Variants in STUM observed in about 807,000 individuals in gnomAD.
The protein encoded by STUM is stum, mechanosensory transduction mediator homolog, also known as protein stum homolog.
A neutral mutation model predicts 15.3 loss-of-function variants in STUM; 8 were observed. That is an observed-to-expected ratio of 0.52 (90% CI 0.31 to 0.94). The LOEUF (loss-of-function observed/expected upper bound fraction) is 0.94, where lower values mean the gene tolerates loss of function less well. Ranked by LOEUF, STUM falls within the 40% of genes least tolerant of loss-of-function variation. The pLI, the probability that STUM is intolerant of heterozygous loss-of-function variation, is 0.05. For synonymous variants in STUM, 78 were observed against 88.7 expected (o/e 0.88, Z 0.68); for missense variants, 142 against 204.9 (o/e 0.69, Z 1.87).
In STUM at chr1:226,603,655, C is replaced by T. The variant is rs1668307592; in HGVS notation, c.*1615C>T. 6.6e-6 allele frequency: 1 copy of T among 152,272 alleles called. No homozygotes were observed. Among genetic ancestry groups the T allele is most frequent in the African/African-American group, 2.4e-5 (1 of 41,458 alleles). The allele number at this position is 152,272 out of a possible 1,614,324, so 9.4% of individuals were successfully genotyped here. A position where few individuals can be genotyped will look rare whatever the true frequency, so the allele number is the denominator to read the frequency against. ...CACCGTTCTGGGGGTTTCAGCCCAC[C>T]TACCCCATCCACCGGGCTTTCTAAT... On this transcript the variant is annotated 3_prime_UTR_variant, in exon 4 of 4. Transcript: ENST00000366788.
At chr1:226,582,524 G>A (rs1318429925) in intron 1 of STUM, among the ~76,000 whole-genome samples, 2 of 151,780 alleles carry the variant, frequency 1.3e-5, no homozygotes, top group Non-Finnish European at 2.9e-5. Context: ...GAACCTGGGA[G>A]GTGGAGGTTG....
intron 1 of STUM, among the ~76,000 whole-genome samples, chr1:226,569,147 C>T (rs887971523): frequency 6.6e-6 from 1 of 152,114 alleles, no homozygotes; most frequent in African/African-American, 2.4e-5. Flanking sequence ...GACTTAACCT[C>T]TCTGTGCCTC....
At chr1:226,555,164 C>T (rs756607147) in intron 1 of STUM, among the ~76,000 whole-genome samples, 1 of 152,182 alleles carries the variant, frequency 6.6e-6, no homozygotes, top group Non-Finnish European at 1.5e-5. Flanking sequence ...CTTTAGAGCT[C>T]CCCAGGGCAC....
chr1:226,598,851 G>C (rs898806969), intron 2 of STUM, among the ~76,000 whole-genome samples: 1 of 152,154 alleles, frequency 6.6e-6, no homozygotes, highest in Non-Finnish European at 1.5e-5. Flanking sequence ...GAATGCTTTT[G>C]GGGGGTGTAT....
At position 226,577,569 on chromosome 1, in the gene STUM, C is replaced by T. The variant is rs145414816; in HGVS notation, c.203-19233C>T. On this transcript the variant is annotated intron_variant, in intron 1 of 3. Coordinates refer to ENST00000366788, the MANE Select transcript of STUM (RefSeq NM_001003665.4). ...CTCGTGCACGCATGCACGCCAGGGACTGATGATGATGGCTGAAAGTCCTTT... is the reference window on the plus strand; with the variant it reads ...CTCGTGCACGCATGCACGCCAGGGATTGATGATGATGGCTGAAAGTCCTTT... Among the ~76,000 whole-genome samples, 835 of 152,198 alleles carry T rather than the reference C, an allele frequency of 5.5e-3. 11 individuals are homozygous for T. The highest frequency in any genetic ancestry group is 0.019 in the African/African-American group (787 of 41,494).
rs1668299188 is a variant in STUM at position 226,603,092 on chromosome 1, A to T, written c.*1052A>T. 1.3e-5 allele frequency: 2 copies of T among 152,216 alleles called. No individual in the cohort carries two copies. The highest frequency in any genetic ancestry group is 4.8e-5 in the African/African-American group (2 of 41,460). The allele number at this position is 152,216 out of a possible 1,614,324, so 9.4% of individuals were successfully genotyped here. ...GTTCAGTCTAATTTTGCCACTAAGTAACTTAGGGAAAAACTTACCATTTGA... is the reference window on the plus strand; with the variant it reads ...GTTCAGTCTAATTTTGCCACTAAGTTACTTAGGGAAAAACTTACCATTTGA... On this transcript the variant is annotated 3_prime_UTR_variant, in exon 4 of 4. Coordinates refer to ENST00000366788, the MANE Select transcript of STUM (RefSeq NM_001003665.4).
chr1:226,581,252 G>A (rs1200641048), intron 1 of STUM, among the ~76,000 whole-genome samples: 1 of 152,218 alleles, frequency 6.6e-6, no homozygotes, highest in Non-Finnish European at 1.5e-5. Context: ...AAATGCCCAG[G>A]AGTCAAAGGG....
At chr1:226,553,096 C>G (rs752457005) in intron 1 of STUM, among the ~76,000 whole-genome samples, 1 of 152,052 alleles carries the variant, frequency 6.6e-6, no homozygotes, top group African/African-American at 2.4e-5. Context: ...TGTTTTTCAA[C>G]AAAGTAAGGG....
Position 226,604,886 on chromosome 1 carries a change from G to A in STUM, c.*2846G>A, listed in dbSNP as rs1246222197. Reference sequence around the variant, plus strand: ...TTACAGGCTTGCAGAGAAAGTCAGAGGCAATGAGATGCTCCCAGTACCAAA... The same window carrying A: ...TTACAGGCTTGCAGAGAAAGTCAGAAGCAATGAGATGCTCCCAGTACCAAA... On this transcript the variant is annotated 3_prime_UTR_variant, in exon 4 of 4. Coordinates refer to ENST00000366788, the MANE Select transcript of STUM (RefSeq NM_001003665.4). This position sits in a 1 kb window ranked among gnomAD's most constrained non-coding sequence, Gnocchi z 4.7. 1 of 152,292 alleles carries A rather than the reference G, an allele frequency of 6.6e-6. No individual in the cohort carries two copies. The highest frequency in any genetic ancestry group is 1.5e-5 in the Non-Finnish European group (1 of 68,110). The allele number at this position is 152,292 out of a possible 1,614,324, so 9.4% of individuals were successfully genotyped here. A position where few individuals can be genotyped will look rare whatever the true frequency, so the allele number is the denominator to read the frequency against.
intron 1 of STUM, among the ~76,000 whole-genome samples, chr1:226,574,649 G>A (rs1461006415): frequency 1.3e-5 from 2 of 152,236 alleles, no homozygotes; most frequent in East Asian, 1.9e-4. Context: ...CCCAAAGGAA[G>A]CTATGCGCAC....
chr1:226,575,030 GC>G (rs1416130364), intron 1 of STUM, among the ~76,000 whole-genome samples: 2 of 152,190 alleles, frequency 1.3e-5, no homozygotes, highest in Non-Finnish European at 2.9e-5. Context: ...CCAGAACTCT[GC>G]ATATGTGGAC....
intron 1 of STUM, among the ~76,000 whole-genome samples, chr1:226,563,009 A>G (rs1571796375): frequency 2.6e-5 from 4 of 152,266 alleles, no homozygotes; most frequent in African/African-American, 7.2e-5. Flanking sequence ...TGGTTCAGAA[A>G]GAAACAAATA....
At chr1:226,589,028 A>G (rs1389705597) in intron 1 of STUM, among the ~76,000 whole-genome samples, 1 of 152,242 alleles carries the variant, frequency 6.6e-6, no homozygotes, top group Non-Finnish European at 1.5e-5. Context: ...CTGCAGAGCC[A>G]GCTGGAGGTG....
intron 1 of STUM, among the ~76,000 whole-genome samples, chr1:226,570,958 CT>C (rs1438416776): frequency 6.6e-6 from 1 of 152,140 alleles, no homozygotes; most frequent in East Asian, 1.9e-4. Flanking sequence ...AGGCCAGGCA[CT>C]GTGGCTCACA....
At chr1:226,596,336 T>G (rs941146327) in intron 1 of STUM, among the ~76,000 whole-genome samples, 22 of 152,160 alleles carry the variant, frequency 1.4e-4, no homozygotes, top group Non-Finnish European at 2.6e-4. Flanking sequence ...GGTCATTTCC[T>G]GGCCCTTCCC....
intron 1 of STUM, among the ~76,000 whole-genome samples, chr1:226,578,690 A>G (rs1667863918): frequency 6.6e-6 from 1 of 152,062 alleles, no homozygotes; most frequent in Non-Finnish European, 1.5e-5. Flanking sequence ...AGGCAGCCAT[A>G]ACTGGGCTGA....
At chr1:226,569,772 T>G (rs1037018081) in intron 1 of STUM, among the ~76,000 whole-genome samples, 3 of 152,188 alleles carry the variant, frequency 2.0e-5, no homozygotes, top group African/African-American at 7.2e-5. Context: ...AGCTGTGGCC[T>G]GCCTGCGTGA....
intron 1 of STUM, among the ~76,000 whole-genome samples, chr1:226,576,699 G>A (rs1009882432): frequency 7.2e-5 from 11 of 152,044 alleles, no homozygotes; most frequent in South Asian, 4.2e-4. Flanking sequence ...CTTCCCAAAC[G>A]GAAACTCTGT....
chr1:226,558,161 G>A (rs148937715), intron 1 of STUM, among the ~76,000 whole-genome samples: 1 of 152,104 alleles, frequency 6.6e-6, no homozygotes, highest in African/African-American at 2.4e-5. Flanking sequence ...GGAAAGAAAA[G>A]GCATCCAAAT....
Sources: gnomAD v4.1 joint callset for allele counts (sites outside exome capture counted in the v4.1 genomes callset) on GRCh38, gnomAD v4.1.1 for gene constraint, Gnocchi (gnomAD v3.1) non-coding constraint, MANE v1.5 for transcripts, NCBI Gene and HGNC (gene_info 2026-07-23, HGNC 2026-07-21) for gene names.